DSCAML1: variants seen among roughly 807,000 people sequenced by gnomAD.
DSCAML1 encodes the protein DS cell adhesion molecule like 1.
A neutral mutation model predicts 200.5 loss-of-function variants in DSCAML1; 38 were observed. That is an observed-to-expected ratio of 0.19 (90% confidence interval 0.15 to 0.25). DSCAML1 has a LOEUF of 0.25. DSCAML1 is among the 10% of genes least tolerant of loss of function. DSCAML1 has a pLI of 1.00. For synonymous variants in DSCAML1, 1,215 were observed against 1,165.0 expected (o/e 1.04, Z -0.87); for missense variants, 2,223 against 2,858.8 (o/e 0.78, Z 5.07).
At chr11:117,773,028 C>T (rs2055067602) in intron 3 of DSCAML1, among the ~76,000 whole-genome samples, 1 of 152,214 alleles carries the variant, frequency 6.6e-6, no homozygotes, top group Non-Finnish European at 1.5e-5. Context: ...CTGGGCAAAG[C>T]ACAGCCAAAA....
At chr11:117,793,889 T>C (rs568950534) in intron 1 of DSCAML1, among the ~76,000 whole-genome samples, 11 of 152,340 alleles carry the variant, frequency 7.2e-5, no homozygotes, top group African/African-American at 2.6e-4. Flanking sequence ...TCGGGCATCA[T>C]GGCCCTGCCA....
chr11:117,617,152 G>A (rs1001354604), intron 3 of DSCAML1, among the ~76,000 whole-genome samples: 27 of 152,202 alleles, frequency 1.8e-4, no homozygotes, highest in African/African-American at 4.8e-4. Flanking sequence ...GAGAGGTTAG[G>A]TAGGCACTGA....
chr11:117,512,760 ATC>A (rs199940249), intron 8 of DSCAML1, among the ~76,000 whole-genome samples: 21 of 60,746 alleles, frequency 3.5e-4, no homozygotes, highest in African/African-American at 1.0e-3. Context: ...GTCCTCTAGG[ATC>A]ACACACACAC....
At chr11:117,766,075 C>T (rs571230337) in intron 3 of DSCAML1, among the ~76,000 whole-genome samples, 5 of 152,200 alleles carry the variant, frequency 3.3e-5, no homozygotes, top group African/African-American at 2.4e-5. Context: ...TCTAGGCATT[C>T]GACAAACATT....
chr11:117,525,613 C>A (rs1312124557), intron 4 of DSCAML1, among the ~76,000 whole-genome samples: 2 of 152,120 alleles, frequency 1.3e-5, no homozygotes, highest in Non-Finnish European at 2.9e-5. Context: ...GCACGCACCA[C>A]CACACCCAGC....
At chr11:117,617,643 C>G (rs2051835548) in intron 3 of DSCAML1, among the ~76,000 whole-genome samples, 1 of 150,816 alleles carries the variant, frequency 6.6e-6, no homozygotes, top group Admixed American at 6.6e-5. Context: ...AAACAACAAC[C>G]CACAACACAC....
chr11:117,486,860 C>T (rs1355505004), intron 11 of DSCAML1, among the ~76,000 whole-genome samples: 1 of 106,020 alleles, frequency 9.4e-6, no homozygotes, highest in Non-Finnish European at 1.9e-5. Context: ...GTATAAAATA[C>T]ATAGTGGATT....
chr11:117,500,775 C>T (rs564368052), intron 11 of DSCAML1, among the ~76,000 whole-genome samples: 3 of 152,370 alleles, frequency 2.0e-5, no homozygotes, highest in East Asian at 3.9e-4. Flanking sequence ...CAACCACAAA[C>T]GTCCAATCTG....
At chr11:117,486,264 T>TGGGAAAGTGGC (rs1565730867) in intron 11 of DSCAML1, among the ~76,000 whole-genome samples, 50 of 82,784 alleles carry the variant, frequency 6.0e-4, no homozygotes, top group Admixed American at 8.8e-4. Flanking sequence ...GGGAAAGTGG[T>TGGGAAAGTGGC]GGATGGGAAA....
intron 14 of DSCAML1, among the ~76,000 whole-genome samples, chr11:117,477,952 T>C (rs931607768): frequency 7.2e-5 from 11 of 152,246 alleles, no homozygotes; most frequent in Admixed American, 3.9e-4. Flanking sequence ...GCCCTTGTGG[T>C]AGGCAGAGAC....
At chr11:117,584,232 G>A (rs1053748234) in intron 3 of DSCAML1, among the ~76,000 whole-genome samples, 1 of 152,190 alleles carries the variant, frequency 6.6e-6, no homozygotes. Context: ...GGGCAGGGAC[G>A]ATGTCTTTGT....
In DSCAML1 at chr11:117,505,408, C is replaced by A; in HGVS notation, c.2062+46G>T. 6.3e-7 allele frequency: 1 copy of A among 1,587,014 alleles called. No homozygotes were observed. The highest frequency in any genetic ancestry group is 1.1e-5 in the South Asian group (1 of 89,882). On this transcript the variant is annotated intron_variant, in intron 9 of 32. Coordinates refer to ENST00000651296, the MANE Select transcript of DSCAML1 (RefSeq NM_020693.4). The surrounding 1 kb of genome is among the most constrained non-coding windows in gnomAD (Gnocchi z 6.7). ...ATCTAGAGACTGCAGTAGCAGCAGG[C>A]AGAATGGGCTCCTCCCTCCCCTGAG...
chr11:117,556,603 C>T (rs2050563378), intron 3 of DSCAML1, among the ~76,000 whole-genome samples: 1 of 152,170 alleles, frequency 6.6e-6, no homozygotes, highest in African/African-American at 2.4e-5. Context: ...AGATGCATCC[C>T]ATGGACCTAC....
intron 3 of DSCAML1, among the ~76,000 whole-genome samples, chr11:117,706,753 A>G (rs1266429353): frequency 6.6e-6 from 1 of 152,204 alleles, no homozygotes; most frequent in Non-Finnish European, 1.5e-5. Context: ...TTGCTCAATT[A>G]TCAAAACCAC....
intron 3 of DSCAML1, among the ~76,000 whole-genome samples, chr11:117,727,170 A>T (rs923562492): frequency 6.6e-6 from 1 of 152,310 alleles, no homozygotes. Context: ...ACTCAAGGTC[A>T]CCAGCTGATA....
intron 3 of DSCAML1, among the ~76,000 whole-genome samples, chr11:117,637,840 T>G (rs1033060061): frequency 6.6e-6 from 1 of 152,140 alleles, no homozygotes; most frequent in East Asian, 1.9e-4. Flanking sequence ...AGCGGAGAAA[T>G]AATCTCCATT....
intron 3 of DSCAML1, among the ~76,000 whole-genome samples, chr11:117,630,937 C>T (rs140423680): frequency 1.5e-3 from 229 of 152,294 alleles, no homozygotes; most frequent in African/African-American, 4.6e-3. Flanking sequence ...ACTGGGATCA[C>T]AGCATTTAGG....
chr11:117,803,994 TC>T (rs2055685716), intron 1 of DSCAML1, among the ~76,000 whole-genome samples: 1 of 152,218 alleles, frequency 6.6e-6, no homozygotes, highest in African/African-American at 2.4e-5. Flanking sequence ...GCAGCATCCC[TC>T]CTGTCACTGT....
chr11:117,435,546 T>A, intron 27 of DSCAML1, 98 bp downstream of exon 27: 1 of 1,384,956 alleles, frequency 7.2e-7, no homozygotes, highest in Non-Finnish European at 9.7e-7. Context: ...ACAGGCACTC[T>A]GTATCATCCA....
Sources: gnomAD v4.1 joint callset for allele counts (sites outside exome capture counted in the v4.1 genomes callset) on GRCh38, gnomAD v4.1.1 for gene constraint, Gnocchi (gnomAD v3.1) non-coding constraint, MANE v1.5 for transcripts, NCBI Gene and HGNC (gene_info 2026-07-23, HGNC 2026-07-21) for gene names.